Variants in SLC25A48 observed in about 807,000 individuals in gnomAD.
SLC25A48 encodes the protein CTC-321K16.1.
Under a neutral mutation model 32.2 loss-of-function variants are expected in SLC25A48, and 29 were observed. The ratio of observed to expected loss-of-function variants is 0.90; its 90% CI spans 0.67 to 1.23. The LOEUF (loss-of-function observed/expected upper bound fraction) is 1.23. SLC25A48 is among the 50% of genes most tolerant of loss of function. SLC25A48 has a pLI of 0.00. For missense variants in SLC25A48, 399 were observed against 422.7 expected (o/e 0.94, Z 0.49); for synonymous variants, 164 against 172.3 (o/e 0.95, Z 0.38).
chr5:135,699,252 G>A (rs4591743), intron 3 of SLC25A48, among the ~76,000 whole-genome samples: 29,493 of 151,940 alleles, frequency 0.19, 3,033 homozygotes, highest in Middle Eastern at 0.33. Context: ...TATAATAGCC[G>A]GAAGCTGGAA....
chr5:135,820,263 T>C (rs557752036), intron 4 of SLC25A48, among the ~76,000 whole-genome samples: 5 of 152,278 alleles, frequency 3.3e-5, no homozygotes, highest in African/African-American at 1.2e-4. Context: ...AAAGGATGAA[T>C]CTTAAAAACA....
chr5:135,855,264 A>G (rs960391477), intron 4 of SLC25A48, among the ~76,000 whole-genome samples: 1 of 152,224 alleles, frequency 6.6e-6, no homozygotes, highest in South Asian at 2.1e-4. Context: ...GCTGACCACA[A>G]ACCTTCAATT....
intron 4 of SLC25A48, among the ~76,000 whole-genome samples, chr5:135,856,863 G>T (rs1484890761): frequency 6.6e-6 from 1 of 152,244 alleles, no homozygotes. Flanking sequence ...CTGGCTCTTT[G>T]CTCTATCCCG....
chr5:135,815,362 C>T (rs1757689370), intron 4 of SLC25A48, among the ~76,000 whole-genome samples: 1 of 152,206 alleles, frequency 6.6e-6, no homozygotes, highest in Admixed American at 6.5e-5. Flanking sequence ...CCCCACTGAT[C>T]TGACGGGAGG....
intron 3 of SLC25A48, among the ~76,000 whole-genome samples, chr5:135,687,695 T>G (rs1308634176): frequency 6.6e-6 from 1 of 152,178 alleles, no homozygotes; most frequent in East Asian, 1.9e-4. Flanking sequence ...TCCTGGATTC[T>G]TGTATTTGGT....
intron 3 of SLC25A48, chr5:135,714,759 A>G (rs147055994): frequency 6.6e-6 from 1 of 152,420 alleles, no homozygotes; most frequent in Non-Finnish European, 1.5e-5. Flanking sequence ...GGCCATTATT[A>G]TCCTATTCTA....
chr5:135,879,384 G>T (rs905694062), intron 6 of SLC25A48, among the ~76,000 whole-genome samples: 2 of 152,096 alleles, frequency 1.3e-5, no homozygotes, highest in African/African-American at 4.8e-5. Flanking sequence ...CCTTACAGTC[G>T]GGAAAATTGA....
chr5:135,847,868 C>T (rs1310802584), intron 2 of SLC25A48, among the ~76,000 whole-genome samples: 2 of 152,148 alleles, frequency 1.3e-5, no homozygotes, highest in Admixed American at 1.3e-4. Flanking sequence ...TGCATTCATG[C>T]TGTTTTAAGC....
intron 1 of SLC25A48, among the ~76,000 whole-genome samples, chr5:135,628,607 T>C (rs1013647599): frequency 2.6e-5 from 4 of 152,084 alleles, no homozygotes; most frequent in Admixed American, 6.5e-5. Flanking sequence ...GGAGGTGACG[T>C]TGGGCAGATT....
At chr5:135,762,412 CAGGTGTGCTCTTGTGTACATTTT>C (rs1441010629) in intron 3 of SLC25A48, among the ~76,000 whole-genome samples, 1 of 152,116 alleles carries the variant, frequency 6.6e-6, no homozygotes, top group Admixed American at 6.5e-5. Context: ...GGAGATTTTC[CAGGTGTGCTCTTGTGTACATTTT>C]GTATTTTGAA....
At chr5:135,658,805 T>A (rs1033102413) in intron 3 of SLC25A48, among the ~76,000 whole-genome samples, 6 of 152,240 alleles carry the variant, frequency 3.9e-5, no homozygotes, top group African/African-American at 1.4e-4. Context: ...GCTTGGGGCT[T>A]ACACCCTCTC....
intron 7 of SLC25A48, among the ~76,000 whole-genome samples, chr5:135,880,347 G>A (rs891963348): frequency 3.3e-5 from 5 of 152,092 alleles, no homozygotes; most frequent in South Asian, 2.1e-4. Flanking sequence ...CAGACAGCTC[G>A]CCTCTCCGTT....
At chr5:135,598,317 T>A (rs1158888011) in intron 1 of SLC25A48, among the ~76,000 whole-genome samples, 1 of 152,222 alleles carries the variant, frequency 6.6e-6, no homozygotes, top group Non-Finnish European at 1.5e-5. Context: ...TTGCATTATC[T>A]CATTTAACAG....
chr5:135,579,596 G>C (rs1751187033), exon 1 of SLC25A48: 1 of 152,424 alleles, frequency 6.6e-6, no homozygotes, highest in Non-Finnish European at 1.5e-5. Flanking sequence ...GACTCAAAGA[G>C]GGTATGTGTG....
intron 3 of SLC25A48, among the ~76,000 whole-genome samples, chr5:135,655,994 G>A (rs955228578): frequency 5.9e-5 from 9 of 152,066 alleles, no homozygotes; most frequent in East Asian, 1.9e-4. Context: ...TTTTGACCCC[G>A]TTTGCCACGT....
chr5:135,736,450 A>G (rs1248937424), intron 3 of SLC25A48, among the ~76,000 whole-genome samples: 2 of 152,064 alleles, frequency 1.3e-5, no homozygotes, highest in South Asian at 2.1e-4. Flanking sequence ...AACACAGGCT[A>G]AGGGAGAAGA....
chr5:135,826,201 G>T (rs893345484), intron 4 of SLC25A48, among the ~76,000 whole-genome samples: 1 of 152,160 alleles, frequency 6.6e-6, no homozygotes. Context: ...CCACCAGGCT[G>T]CTCCCTGCCA....
chr5:135,715,075 A>G (rs1032953028), intron 3 of SLC25A48, among the ~76,000 whole-genome samples: 7 of 152,160 alleles, frequency 4.6e-5, no homozygotes, highest in Non-Finnish European at 8.8e-5. Flanking sequence ...GAGGCAGGAG[A>G]CAGGAGGCCT....
intron 1 of SLC25A48, among the ~76,000 whole-genome samples, chr5:135,593,392 C>T (rs561867228): frequency 1.8e-4 from 27 of 152,212 alleles, no homozygotes; most frequent in Admixed American, 3.9e-4. Flanking sequence ...GCACAATGCA[C>T]GTGTCTTAAC....
Sources: gnomAD v4.1 joint callset for allele counts (sites outside exome capture counted in the v4.1 genomes callset) on GRCh38, gnomAD v4.1.1 for gene constraint, MANE v1.5 for transcripts, NCBI Gene and HGNC (gene_info 2026-07-23, HGNC 2026-07-21) for gene names.